Variants in USP25 observed in about 807,000 individuals in gnomAD.
USP25 encodes the protein ubiquitin carboxyl-terminal hydrolase 25.
In USP25, 85 loss-of-function variants were observed where a neutral mutation model predicts 158.5. The observed-to-expected ratio is 0.54, with a 90% CI of 0.45 to 0.64. USP25 has a LOEUF of 0.64. Ranked by LOEUF, USP25 falls within the 30% of genes least tolerant of loss-of-function variation. The probability of loss-of-function intolerance (pLI) is 0.00; values close to 1 mark genes in which losing one functional copy is unlikely to be tolerated. For synonymous variants in USP25, 464 were observed against 460.4 expected (o/e 1.01, Z -0.10); for missense variants, 1,242 against 1,327.3 (o/e 0.94, Z 1.00).
chr21:15,781,144 G>T (rs1164346131), intron 4 of USP25, among the ~76,000 whole-genome samples: 1 of 152,182 alleles, frequency 6.6e-6, no homozygotes, highest in African/African-American at 2.4e-5. Context: ...GGATCAACTG[G>T]TCGATGTAGT....
At chr21:15,794,554 G>A (rs1472854000) in intron 5 of USP25, among the ~76,000 whole-genome samples, 1 of 151,660 alleles carries the variant, frequency 6.6e-6, no homozygotes, top group South Asian at 2.1e-4. Flanking sequence ...AGTGGTATGG[G>A]TGCTCATGAT....
At chr21:15,786,597 A>G (rs969309988) in intron 4 of USP25, among the ~76,000 whole-genome samples, 1 of 152,130 alleles carries the variant, frequency 6.6e-6, no homozygotes, top group Non-Finnish European at 1.5e-5. Context: ...AAACTCTCAA[A>G]ATAGATATAG....
chr21:15,847,689 A>G lies in USP25; in HGVS notation c.2364A>G (p.Pro788=). 1 of 1,550,094 alleles carries G rather than the reference A, an allele frequency of 6.5e-7. No individual in the cohort carries two copies. The highest frequency in any genetic ancestry group is 1.2e-5 in the South Asian group (1 of 84,048). The change falls in exon 19 of 26, where the codon CCA becomes CCG. Residue 788 remains proline, a synonymous_variant. Transcript: ENST00000400183. ...AACCTGAAAATACTACAAGCCAACC[A>G]CTTTCTAATCAGCGAGTTGTAGAGG... ...QSKPENTTSQ[P]LSNQRVVEVA...
intron 20 of USP25, among the ~76,000 whole-genome samples, chr21:15,850,466 A>T (rs2038834210): frequency 6.6e-6 from 1 of 151,692 alleles, no homozygotes; most frequent in South Asian, 2.1e-4. Flanking sequence ...CAATGTTTTG[A>T]TTACAATTTT....
At chr21:15,757,487 G>A (rs78477606) in intron 1 of USP25, among the ~76,000 whole-genome samples, 11,440 of 152,176 alleles carry the variant, frequency 0.075, 496 homozygotes, top group East Asian at 0.092. Context: ...CAAAGACCTT[G>A]CTCTTCTCCA....
chr21:15,744,503 G>A lies in USP25; in HGVS notation c.45+14065G>A, dbSNP rs562983760. Among the ~76,000 whole-genome samples the A allele has an allele frequency of 2.3e-3, 354 of 151,964 alleles. 3 individuals are homozygous for A. The highest frequency in any genetic ancestry group is 8.1e-3 in the African/African-American group (334 of 41,426). ...ACCAGGCCTGGCTAATTTTTATGAC[G>A]GGGTTTTGCCATGTTGGCCAGGCTG... On this transcript the variant is annotated intron_variant, in intron 1 of 25. Transcript: ENST00000400183.
intron 17 of USP25, 141 bp from the exon 18 acceptor site, chr21:15,842,257 G>T: frequency 1.2e-6 from 1 of 819,784 alleles, no homozygotes; most frequent in Non-Finnish European, 1.8e-6. Flanking sequence ...AGTGCTATAC[G>T]TGGAAAGATA....
intron 6 of USP25, among the ~76,000 whole-genome samples, chr21:15,804,525 G>C (rs1486400423): frequency 6.6e-6 from 1 of 151,728 alleles, no homozygotes; most frequent in African/African-American, 2.4e-5. Context: ...TAATAATCGG[G>C]TGAGGTTCTA....
chr21:15,746,967 T>G (rs1020627855), intron 1 of USP25, among the ~76,000 whole-genome samples: 2 of 152,248 alleles, frequency 1.3e-5, no homozygotes, highest in African/African-American at 2.4e-5. Context: ...TTGCACTTCT[T>G]ATTTTGTTAA....
chr21:15,867,502 G>A (rs1250138856), intron 22 of USP25, among the ~76,000 whole-genome samples: 3 of 151,914 alleles, frequency 2.0e-5, no homozygotes, highest in Non-Finnish European at 4.4e-5. Flanking sequence ...AGAATTGTGA[G>A]CACTGAAAGC....
At chr21:15,855,406 A>AT (rs976772156) in intron 20 of USP25, among the ~76,000 whole-genome samples, 12 of 151,516 alleles carry the variant, frequency 7.9e-5, no homozygotes, top group African/African-American at 1.9e-4. Flanking sequence ...AACTCGGTGA[A>AT]TTTTTTTTTG....
At chr21:15,820,197 T>C (rs1052729033) in intron 10 of USP25, among the ~76,000 whole-genome samples, 24 of 152,088 alleles carry the variant, frequency 1.6e-4, no homozygotes, top group Admixed American at 1.6e-3. Context: ...CTGTTTGCTG[T>C]TAAATGAAAG....
chr21:15,746,929 CTTT>C (rs1247552266), intron 1 of USP25, among the ~76,000 whole-genome samples: 1 of 152,152 alleles, frequency 6.6e-6, no homozygotes, highest in Non-Finnish European at 1.5e-5. Context: ...GGAAAGCAGT[CTTT>C]TACTACTAAG....
intron 1 of USP25, among the ~76,000 whole-genome samples, chr21:15,734,641 A>G (rs2031306619): frequency 6.6e-6 from 1 of 151,604 alleles, no homozygotes. Flanking sequence ...TAATATTCTG[A>G]CCTCTTTCTT....
intron 3 of USP25, among the ~76,000 whole-genome samples, chr21:15,769,417 C>G (rs2034223473): frequency 6.6e-6 from 1 of 152,098 alleles, no homozygotes; most frequent in Non-Finnish European, 1.5e-5. Context: ...AAGCCCAAAT[C>G]ATTTGTACTA....
chr21:15,793,463 T>G (rs928183490), intron 5 of USP25, among the ~76,000 whole-genome samples: 1 of 150,988 alleles, frequency 6.6e-6, no homozygotes, highest in Non-Finnish European at 1.5e-5. Context: ...ATTTTTTTTT[T>G]TAAGAAGGAG....
intron 1 of USP25, among the ~76,000 whole-genome samples, chr21:15,751,388 A>G (rs1032370262): frequency 6.6e-5 from 10 of 152,384 alleles, no homozygotes; most frequent in African/African-American, 1.4e-4. Context: ...TGTGACAAAT[A>G]TAACTGCTAG....
intron 5 of USP25, among the ~76,000 whole-genome samples, chr21:15,796,420 T>G (rs1315377810): frequency 6.6e-6 from 1 of 151,374 alleles, no homozygotes; most frequent in Non-Finnish European, 1.5e-5. Flanking sequence ...GAATTTTGAG[T>G]AAAGAAGGAT....
chr21:15,869,833 T>A (rs1478631567), intron 22 of USP25, among the ~76,000 whole-genome samples: 1 of 152,186 alleles, frequency 6.6e-6, no homozygotes, highest in African/African-American at 2.4e-5. Context: ...AAAATCTTTA[T>A]TGTTTAAAAC....
Sources: allele counts gnomAD v4.1 joint callset (sites outside exome capture counted in the v4.1 genomes callset), GRCh38; gene constraint gnomAD v4.1.1; transcripts MANE v1.5; gene names NCBI Gene and HGNC (gene_info 2026-07-23, HGNC 2026-07-21).